CTNND2: variants seen among roughly 807,000 people sequenced by gnomAD.
CTNND2 encodes catenin delta-2.
In CTNND2, 22 loss-of-function variants were observed where a neutral mutation model predicts 144.4. The ratio of observed to expected loss-of-function variants is 0.15; its 90% CI spans 0.11 to 0.22. The LOEUF (loss-of-function observed/expected upper bound fraction) is 0.22. Among genes scored for constraint, CTNND2 ranks in the 10% least tolerant of loss-of-function variants. CTNND2 has a pLI of 1.00. For synonymous variants in CTNND2, 751 were observed against 695.6 expected (o/e 1.08, Z -1.25); for missense variants, 1,353 against 1,618.8 (o/e 0.84, Z 2.82).
Position 11,796,482 on chromosome 5 carries a change from T to C in CTNND2, c.38-64210A>G, listed in dbSNP as rs534203803. On this transcript the variant is annotated intron_variant, in intron 1 of 21. Coordinates refer to ENST00000304623, the MANE Select transcript of CTNND2 (RefSeq NM_001332.4). ...GCAGTAATATTTTAGCATAATCCTA[T>C]CAAGAATGATTTCCAAATAAAGGGT... Among the ~76,000 whole-genome samples, 11 of 152,336 alleles carry C rather than the reference T, an allele frequency of 7.2e-5. No individual in the cohort carries two copies. The South Asian group carries it at 2.1e-3, about 29-fold the overall frequency.
At chr5:11,789,076 C>A (rs1194765904) in intron 1 of CTNND2, among the ~76,000 whole-genome samples, 2 of 151,928 alleles carry the variant, frequency 1.3e-5, no homozygotes, top group Non-Finnish European at 2.9e-5. Flanking sequence ...ACAACAGGTG[C>A]TGGAGAGGAT....
At chr5:11,414,490 CT>C (rs1383458641) in intron 3 of CTNND2, among the ~76,000 whole-genome samples, 2 of 152,174 alleles carry the variant, frequency 1.3e-5, no homozygotes, top group African/African-American at 4.8e-5. Flanking sequence ...CAAATCTCTT[CT>C]TTATAGATGG....
intron 2 of CTNND2, among the ~76,000 whole-genome samples, chr5:11,595,399 T>C (rs1192550461): frequency 6.6e-6 from 1 of 152,192 alleles, no homozygotes; most frequent in South Asian, 2.1e-4. Context: ...CACTAGCTAA[T>C]ATCCCTGAAT....
intron 9 of CTNND2, among the ~76,000 whole-genome samples, chr5:11,312,502 T>G (rs1751084581): frequency 4.6e-5 from 7 of 152,058 alleles, no homozygotes; most frequent in Admixed American, 4.6e-4. Context: ...CTCATGAGAC[T>G]TATTCACTAT....
intron 15 of CTNND2, among the ~76,000 whole-genome samples, chr5:11,085,287 C>G (rs1292433175): frequency 6.6e-6 from 1 of 152,110 alleles, no homozygotes; most frequent in Non-Finnish European, 1.5e-5. Context: ...AAAGGATAAC[C>G]AGACAATAGA....
Position 11,014,259 on chromosome 5 carries a change from C to A in CTNND2, c.3084+3715G>T, listed in dbSNP as rs1048565392. Among the ~76,000 whole-genome samples the A allele has an allele frequency of 2.0e-5, 3 of 152,282 alleles. No homozygotes were observed. In the South Asian group the frequency reaches 6.2e-4, roughly 32 times the overall value. ...TCAAAACCAGCCATCCTGACAGTTC[C>A]CCAACCATAGTCAAACATAAGCACC... is the stretch of plus-strand genomic sequence containing the variant. On this transcript the variant is annotated intron_variant, in intron 18 of 21. Transcript: ENST00000304623.
chr5:11,008,828 A>C (rs1580017967), intron 18 of CTNND2, among the ~76,000 whole-genome samples: 1 of 152,192 alleles, frequency 6.6e-6, no homozygotes, highest in East Asian at 1.9e-4. Flanking sequence ...CTCCCTCTCC[A>C]GAAGCCCAGG....
intron 8 of CTNND2, among the ~76,000 whole-genome samples, chr5:11,360,719 A>G (rs1294896551): frequency 6.6e-6 from 1 of 152,132 alleles, no homozygotes; most frequent in African/African-American, 2.4e-5. Context: ...TGGAATATGC[A>G]TGTAGCCTAT....
intron 9 of CTNND2, among the ~76,000 whole-genome samples, chr5:11,271,787 G>A (rs997465417): frequency 2.0e-4 from 31 of 152,160 alleles, no homozygotes; most frequent in African/African-American, 7.2e-4. Context: ...AAATGAGTGG[G>A]AGGTTGAAAT....
chr5:11,411,323 A>G (rs970584021), intron 5 of CTNND2, among the ~76,000 whole-genome samples: 1 of 152,180 alleles, frequency 6.6e-6, no homozygotes, highest in African/African-American at 2.4e-5. Context: ...CTAGATGCCA[A>G]CTACTGACTT....
At chr5:11,686,602 C>T (rs1374039454) in intron 2 of CTNND2, among the ~76,000 whole-genome samples, 1 of 151,952 alleles carries the variant, frequency 6.6e-6, no homozygotes, top group African/African-American at 2.4e-5. Context: ...TTAGGCTCCA[C>T]ATCAAAGTAT....
At chr5:11,196,424 C>A (rs1736861066) in intron 11 of CTNND2, among the ~76,000 whole-genome samples, 2 of 152,208 alleles carry the variant, frequency 1.3e-5, no homozygotes, top group African/African-American at 2.4e-5. Flanking sequence ...TCAGAAAAAA[C>A]TCCCCTGTAC....
At chr5:11,095,686 A>T (rs968025393) in intron 15 of CTNND2, among the ~76,000 whole-genome samples, 1 of 152,228 alleles carries the variant, frequency 6.6e-6, no homozygotes, top group African/African-American at 2.4e-5. Flanking sequence ...GAATCATTGT[A>T]TGAATGAATG....
In CTNND2 at chr5:11,805,928, C is replaced by T. The variant is rs576569778; in HGVS notation, c.38-73656G>A. 2.2e-4 allele frequency among the ~76,000 whole-genome samples: 34 copies of T among 152,200 alleles called. No individual in the cohort carries two copies. The South Asian group carries it at 6.6e-3, about 30-fold the overall frequency. On this transcript the variant is annotated intron_variant, in intron 1 of 21. Coordinates refer to ENST00000304623, the MANE Select transcript of CTNND2 (RefSeq NM_001332.4). ...GTCTCAGCTAAGTGAGCAAGGTCAA[C>T]GTCAATAATGGTCAGTCATGTCAAC...
intron 10 of CTNND2, among the ~76,000 whole-genome samples, chr5:11,212,774 G>A (rs916972199): frequency 1.3e-5 from 2 of 152,188 alleles, no homozygotes; most frequent in East Asian, 1.9e-4. Flanking sequence ...AGCTGGTCTC[G>A]GTAAGGGCCT....
intron 9 of CTNND2, among the ~76,000 whole-genome samples, chr5:11,266,981 C>A (rs1745508242): frequency 6.6e-6 from 1 of 152,204 alleles, no homozygotes. Flanking sequence ...AGGGTTCAAG[C>A]AATTCTCCTG....
intron 1 of CTNND2, among the ~76,000 whole-genome samples, chr5:11,740,383 C>G (rs11747850): frequency 5.3e-5 from 8 of 152,004 alleles, no homozygotes; most frequent in African/African-American, 1.9e-4. Flanking sequence ...AGAAATAACA[C>G]CACACATCTA....
At chr5:11,353,803 C>CAAAAAAAA (rs762692283) in intron 8 of CTNND2, among the ~76,000 whole-genome samples, 59 of 121,578 alleles carry the variant, frequency 4.9e-4, no homozygotes, top group African/African-American at 1.5e-3. Context: ...GACTCCATTT[C>CAAAAAAAA]AAAAAAAAAA....
chr5:11,175,581 T>C (rs888251190), intron 11 of CTNND2, among the ~76,000 whole-genome samples: 1 of 152,204 alleles, frequency 6.6e-6, no homozygotes, highest in Non-Finnish European at 1.5e-5. Context: ...TGATGGTCCA[T>C]TTTTATCTGA....
Sources: gnomAD v4.1 joint callset for allele counts (sites outside exome capture counted in the v4.1 genomes callset) on GRCh38, gnomAD v4.1.1 for gene constraint, MANE v1.5 for transcripts, NCBI Gene and HGNC (gene_info 2026-07-23, HGNC 2026-07-21) for gene names.